SIRPA: variants seen among roughly 807,000 people sequenced by gnomAD.
SIRPA encodes the protein signal regulatory protein alpha.
In SIRPA, 9 loss-of-function variants were observed where a neutral mutation model predicts 50.3. The observed-to-expected ratio is 0.18, with a 90% confidence interval of 0.11 to 0.31. The LOEUF (loss-of-function observed/expected upper bound fraction) is 0.31, where lower values mean the gene tolerates loss of function less well. Ranked by LOEUF, SIRPA falls within the 10% of genes least tolerant of loss-of-function variation. SIRPA has a pLI of 1.00. For synonymous variants in SIRPA, 265 were observed against 284.1 expected, an observed-to-expected ratio of 0.93 and a Z score of 0.68; for missense variants, 474 against 661.6, an observed-to-expected ratio of 0.72 and a Z score of 3.11.
intron 1 of SIRPA, among the ~76,000 whole-genome samples, chr20:1,906,878 C>T (rs1984581931): frequency 6.6e-6 from 1 of 152,076 alleles, no homozygotes; most frequent in Non-Finnish European, 1.5e-5. Context: ...TTGTGGAACA[C>T]GGATGAAAGG....
intron 1 of SIRPA, among the ~76,000 whole-genome samples, chr20:1,909,377 C>T (rs2123048558): frequency 6.6e-6 from 1 of 152,340 alleles, no homozygotes; most frequent in Middle Eastern, 3.4e-3. Context: ...GCTTCCTTCT[C>T]CCCACCCCTT....
intron 2 of SIRPA, among the ~76,000 whole-genome samples, chr20:1,916,939 C>T (rs2123112840): frequency 6.6e-6 from 1 of 152,336 alleles, no homozygotes; most frequent in African/African-American, 2.4e-5. Context: ...AACCGCTGGA[C>T]ATAGGCAGGG....
intron 2 of SIRPA, among the ~76,000 whole-genome samples, chr20:1,916,985 G>A (rs780779008): frequency 2.0e-5 from 3 of 152,196 alleles, no homozygotes; most frequent in Non-Finnish European, 2.9e-5. Flanking sequence ...GATGTTACAG[G>A]AAAAGACGTT....
chr20:1,937,370 G>A lies in SIRPA; in HGVS notation c.1317G>A (p.Lys439=), dbSNP rs1329429265. 2.5e-6 allele frequency: 4 copies of A among 1,613,990 alleles called. No homozygotes were observed. The highest frequency in any genetic ancestry group is 2.7e-5 in the African/African-American group (2 of 74,898). Residue 439 remains lysine (K), a synonymous_variant, in exon 8 of 8, where the codon AAG becomes AAA. Coordinates refer to ENST00000358771, the MANE Select transcript of SIRPA (RefSeq NM_001040023.2). The surrounding 1 kb of genome is among the most constrained non-coding windows in gnomAD (Gnocchi z 8.3). The part of the protein sequence containing the change: ...YADLNLPKGK[K]PAPQAAEPNN... ...ACCTGAACCTGCCCAAGGGGAAGAA[G>A]CCTGCTCCCCAGGCTGCGGAGCCCA...
chr20:1,899,505 C>T (rs912123652), intron 1 of SIRPA, among the ~76,000 whole-genome samples: 1 of 152,206 alleles, frequency 6.6e-6, no homozygotes, highest in East Asian at 1.9e-4. Context: ...TGGCCTCTCT[C>T]CGTTTGGTAA....
At chr20:1,900,387 C>T (rs1462353469) in intron 1 of SIRPA, among the ~76,000 whole-genome samples, 1 of 152,148 alleles carries the variant, frequency 6.6e-6, no homozygotes. Flanking sequence ...CCGCACCACC[C>T]AGCTGTCCTT....
intron 1 of SIRPA, among the ~76,000 whole-genome samples, chr20:1,901,502 A>G (rs1021044016): frequency 3.3e-5 from 5 of 151,970 alleles, no homozygotes; most frequent in African/African-American, 9.7e-5. Context: ...GCACCTTCCT[A>G]TGAGGTGGGG....
intron 1 of SIRPA, 43 bp downstream of exon 1, chr20:1,895,569 C>A: frequency 1.5e-6 from 2 of 1,352,322 alleles, no homozygotes; most frequent in South Asian, 3.5e-5. Flanking sequence ...CCCCAAACTG[C>A]GGGCTCAGGC....
At chr20:1,902,007 A>G (rs960014193) in intron 1 of SIRPA, among the ~76,000 whole-genome samples, 5 of 152,206 alleles carry the variant, frequency 3.3e-5, no homozygotes, top group Non-Finnish European at 7.4e-5. Context: ...TACTAGGTAC[A>G]CGATGTGCTC....
rs1242426091 is a variant in SIRPA at position 1,939,949 on chromosome 20, G to A, written c.*2381G>A. On this transcript the variant is annotated 3_prime_UTR_variant, in exon 8 of 8. Coordinates refer to ENST00000358771, the MANE Select transcript of SIRPA (RefSeq NM_001040023.2). This position sits in a 1 kb window ranked among gnomAD's most constrained non-coding sequence, Gnocchi z 4.7. ...TGTGAGTGCGTCCCGGGGCCGCCTC[G>A]GGGCCTGCCTGCCCTCCTGCCAAAG... The A allele has an allele frequency of 2.4e-4, 36 of 152,486 alleles. 2 individuals are homozygous for A. The highest frequency in any genetic ancestry group is 2.1e-3 in the Admixed American group (32 of 15,288). 9.4% of individuals were successfully genotyped at this position (152,486 alleles called of 1,614,324 possible). A position where few individuals can be genotyped will look rare whatever the true frequency, so the allele number is the denominator to read the frequency against.
Position 1,915,701 on chromosome 20 carries a change from T to C in SIRPA, c.436+246T>C, listed in dbSNP as rs140550032. 9.8e-5 allele frequency among the ~76,000 whole-genome samples: 15 copies of C among 152,330 alleles called. No individual in the cohort carries two copies. The East Asian group carries it at 2.9e-3, about 29-fold the overall frequency. ...TCTGCCTGGCTGTGTAGCCCTGGCC[T>C]CTTCAAAGCTGACCCAGCCCTTTCA... On this transcript the variant is annotated intron_variant, in intron 2 of 7. Coordinates refer to ENST00000358771, the MANE Select transcript of SIRPA (RefSeq NM_001040023.2).
chr20:1,908,390 C>T (rs1984676113), intron 1 of SIRPA, among the ~76,000 whole-genome samples: 1 of 152,048 alleles, frequency 6.6e-6, no homozygotes, highest in South Asian at 2.1e-4. Context: ...ACACCACACT[C>T]ACGTGCATGC....
chr20:1,895,236 G>A (rs1983708253), upstream of SIRPA: 1 of 422,084 alleles, frequency 2.4e-6, no homozygotes, highest in Non-Finnish European at 4.1e-6. Context: ...CCCAGTCTCC[G>A]TCTCTCCATT....
At position 1,904,600 on chromosome 20, in the gene SIRPA, C is replaced by T. The variant is rs536708115; in HGVS notation, c.79+9074C>T. ...GGGCTCCTGCAGAGGTTCCATGAGG[C>T]CTGTCTTGCTCTGGGCAGCGTCGAT... On this transcript the variant is annotated intron_variant, in intron 1 of 7. Coordinates refer to ENST00000358771, the MANE Select transcript of SIRPA (RefSeq NM_001040023.2). Among the ~76,000 whole-genome samples, 12 of 152,316 alleles carry T rather than the reference C, an allele frequency of 7.9e-5. No individual in the cohort carries two copies. The East Asian group carries it at 2.3e-3, about 29-fold the overall frequency.
chr20:1,929,111 A>G (rs986689220), intron 6 of SIRPA, among the ~76,000 whole-genome samples: 1 of 152,176 alleles, frequency 6.6e-6, no homozygotes, highest in Non-Finnish European at 1.5e-5. Context: ...AGAATAGGAC[A>G]TGATGATCTG....
At chr20:1,905,284 A>G (rs1984477852) in intron 1 of SIRPA, among the ~76,000 whole-genome samples, 2 of 152,176 alleles carry the variant, frequency 1.3e-5, no homozygotes, top group Non-Finnish European at 2.9e-5. Flanking sequence ...CTGAGAATCC[A>G]GAAGCCTGAA....
At chr20:1,916,650 A>G (rs138404418) in intron 2 of SIRPA, among the ~76,000 whole-genome samples, 1,676 of 152,346 alleles carry the variant, frequency 0.011, 29 homozygotes, top group African/African-American at 0.038. Context: ...TCATATCAGG[A>G]TAGAGACCTG....
Position 1,937,346 on chromosome 20 carries a change from C to T in SIRPA, c.1293C>T (p.Asp431=), listed in dbSNP as rs771287628. Residue 431 remains aspartate (D), a synonymous_variant, in exon 8 of 8, where the codon GAC becomes GAT. Coordinates refer to ENST00000358771, the MANE Select transcript of SIRPA (RefSeq NM_001040023.2). The surrounding 1 kb of genome is among the most constrained non-coding windows in gnomAD (Gnocchi z 8.3). The stretch of plus-strand genomic sequence containing the variant: ...ACACAAATGATATCACATATGCAGA[C>T]CTGAACCTGCCCAAGGGGAAGAAGC... The part of the protein sequence containing the change: ...TQDTNDITYA[D]LNLPKGKKPA... 7 of 1,613,910 alleles carry T rather than the reference C, an allele frequency of 4.3e-6. No individual in the cohort carries two copies. Among genetic ancestry groups the T allele is most frequent in the Admixed American group, 3.3e-5 (2 of 59,986 alleles).
At chr20:1,904,653 T>C (rs1600398770) in intron 1 of SIRPA, among the ~76,000 whole-genome samples, 1 of 152,226 alleles carries the variant, frequency 6.6e-6, no homozygotes, top group African/African-American at 2.4e-5. Flanking sequence ...ACTGCTGTTA[T>C]GTGATTGTCA....
Sources: gnomAD v4.1 joint callset for allele counts (sites outside exome capture counted in the v4.1 genomes callset) on GRCh38, gnomAD v4.1.1 for gene constraint, Gnocchi (gnomAD v3.1) non-coding constraint, MANE v1.5 for transcripts, NCBI Gene and HGNC (gene_info 2026-07-23, HGNC 2026-07-21) for gene names.